The following NRG3 variants were observed in gnomAD, a reference collection of about 807,000 sequenced individuals.
The protein encoded by NRG3 is pro-neuregulin-3, membrane-bound isoform.
A neutral mutation model predicts 66.9 loss-of-function variants in NRG3; 31 were observed. That is an observed-to-expected ratio of 0.46 (90% CI 0.35 to 0.63). The LOEUF (loss-of-function observed/expected upper bound fraction) is 0.63. Among genes scored for constraint, NRG3 ranks in the 20% least tolerant of loss-of-function variants. The pLI, the probability that NRG3 is intolerant of heterozygous loss-of-function variation, is 0.00. For missense variants in NRG3, 910 were observed against 878.9 expected, an observed-to-expected ratio of 1.04 and a Z score of -0.45; for synonymous variants, 393 against 359.4, an observed-to-expected ratio of 1.09 and a Z score of -1.06.
chr10:82,177,136 TA>T (rs927118154), intron 1 of NRG3, among the ~76,000 whole-genome samples: 4 of 152,076 alleles, frequency 2.6e-5, no homozygotes, highest in African/African-American at 9.7e-5. Flanking sequence ...AGCAGTCACT[TA>T]ATGTTTGCTA....
At chr10:82,318,793 A>G (rs1157805738) in intron 1 of NRG3, among the ~76,000 whole-genome samples, 3 of 152,352 alleles carry the variant, frequency 2.0e-5, no homozygotes, top group East Asian at 3.9e-4. Flanking sequence ...ACAAATAGAA[A>G]GTGAACATCT....
chr10:81,970,251 G>T (rs1399627324), intron 1 of NRG3, among the ~76,000 whole-genome samples: 1 of 152,164 alleles, frequency 6.6e-6, no homozygotes, highest in African/African-American at 2.4e-5. Context: ...TAGTAAATGT[G>T]TATGTACCTG....
At chr10:82,256,980 T>C (rs2077762546) in intron 1 of NRG3, among the ~76,000 whole-genome samples, 1 of 152,206 alleles carries the variant, frequency 6.6e-6, no homozygotes, top group Non-Finnish European at 1.5e-5. Flanking sequence ...TTTTTCTCAG[T>C]TGACAATGTG....
At chr10:82,810,950 T>C (rs541248882) in intron 3 of NRG3, among the ~76,000 whole-genome samples, 46 of 152,186 alleles carry the variant, frequency 3.0e-4, no homozygotes, top group Non-Finnish European at 6.5e-4. Flanking sequence ...GAATAAAATA[T>C]ACTACTGCCC....
chr10:82,400,218 A>G (rs2086989859), intron 2 of NRG3, among the ~76,000 whole-genome samples: 1 of 152,164 alleles, frequency 6.6e-6, no homozygotes, highest in South Asian at 2.1e-4. Context: ...TAGTAATAAA[A>G]TCTGAAAATA....
chr10:82,727,910 G>T (rs1459907700), intron 2 of NRG3, among the ~76,000 whole-genome samples: 1 of 152,122 alleles, frequency 6.6e-6, no homozygotes, highest in Non-Finnish European at 1.5e-5. Flanking sequence ...ACCCAGATGA[G>T]AGACATGGTG....
At chr10:81,884,247 A>C (rs530644596) in intron 1 of NRG3, among the ~76,000 whole-genome samples, 2 of 152,212 alleles carry the variant, frequency 1.3e-5, no homozygotes, top group Non-Finnish European at 2.9e-5. Context: ...CTTCACACAC[A>C]GATAGTGGCA....
chr10:81,971,469 G>A (rs1202227052), intron 1 of NRG3, among the ~76,000 whole-genome samples: 1 of 152,160 alleles, frequency 6.6e-6, no homozygotes, highest in Non-Finnish European at 1.5e-5. Context: ...AATAAGTAAT[G>A]GAAAAGATCA....
rs1455505774 is a variant in NRG3, at chr10:81,934,587, G to A, written c.823+58424G>A. Among the ~76,000 whole-genome samples the A allele has an allele frequency of 2.6e-5, 4 of 152,166 alleles. No individual in the cohort carries two copies. In the East Asian group the frequency reaches 7.7e-4, roughly 29 times the overall value. On this transcript the variant is annotated intron_variant, in intron 1 of 8. Coordinates refer to ENST00000372141, the MANE Select transcript of NRG3 (RefSeq NM_001010848.4). ...TGACTCATCCAAGCATACTGTAATA[G>A]ATGGAGAGATTTCTTTAGATATATG...
chr10:82,785,526 G>C (rs1364018000), intron 3 of NRG3, among the ~76,000 whole-genome samples: 1 of 152,034 alleles, frequency 6.6e-6, no homozygotes, highest in Non-Finnish European at 1.5e-5. Context: ...TTGTAAATTA[G>C]GAATAGGGTA....
intron 1 of NRG3, among the ~76,000 whole-genome samples, chr10:81,976,783 C>T (rs987177293): frequency 3.4e-4 from 51 of 152,210 alleles, no homozygotes; most frequent in Non-Finnish European, 6.6e-4. Flanking sequence ...GAGCTAATTT[C>T]TATTGGACAT....
intron 1 of NRG3, among the ~76,000 whole-genome samples, chr10:82,310,989 G>A (rs191013693): frequency 7.2e-5 from 11 of 152,018 alleles, no homozygotes; most frequent in East Asian, 5.8e-4. Flanking sequence ...GTTCTTTCCA[G>A]CTCCTCCCCT....
intron 1 of NRG3, among the ~76,000 whole-genome samples, chr10:82,151,560 G>T (rs2070746889): frequency 6.6e-6 from 1 of 152,084 alleles, no homozygotes. Context: ...TTTCTGCCTT[G>T]ATGTCATCTT....
At chr10:82,280,373 G>A (rs187012235) in intron 1 of NRG3, among the ~76,000 whole-genome samples, 1 of 152,182 alleles carries the variant, frequency 6.6e-6, no homozygotes, top group Non-Finnish European at 1.5e-5. Context: ...TTTGACAAAT[G>A]TGATGGACCT....
chr10:82,050,739 C>A (rs2063552075), intron 1 of NRG3, among the ~76,000 whole-genome samples: 1 of 149,490 alleles, frequency 6.7e-6, no homozygotes, highest in Admixed American at 6.7e-5. Flanking sequence ...CACCAAGACT[C>A]TGATAATGTC....
At chr10:82,930,632 A>G (rs1591998069) in intron 4 of NRG3, among the ~76,000 whole-genome samples, 1 of 152,328 alleles carries the variant, frequency 6.6e-6, no homozygotes, top group Non-Finnish European at 1.5e-5. Context: ...GTCTGGGTGC[A>G]TTTATGTTAT....
intron 1 of NRG3, among the ~76,000 whole-genome samples, chr10:82,170,654 GTATATATATATATATA>G (rs370773918): frequency 0.011 from 851 of 74,208 alleles, 24 homozygotes; most frequent in African/African-American, 0.028. Context: ...AAAACTTGTG[GTATATATATATATATA>G]TATATATATA....
chr10:82,328,626 C>T (rs1431691793), intron 1 of NRG3, among the ~76,000 whole-genome samples: 2 of 152,268 alleles, frequency 1.3e-5, no homozygotes, highest in Non-Finnish European at 2.9e-5. Flanking sequence ...CTGTTAACCT[C>T]ACCATAGTCA....
intron 2 of NRG3, among the ~76,000 whole-genome samples, chr10:82,394,862 T>TA (rs1156945687): frequency 6.6e-6 from 1 of 152,130 alleles, no homozygotes; most frequent in Non-Finnish European, 1.5e-5. Context: ...ACAATGGAAG[T>TA]AAGTCTTAGC....
Sources: allele counts gnomAD v4.1 joint callset (sites outside exome capture counted in the v4.1 genomes callset), GRCh38; gene constraint gnomAD v4.1.1; transcripts MANE v1.5; gene names NCBI Gene and HGNC (gene_info 2026-07-23, HGNC 2026-07-21).